The following FRAS1 variants were observed in gnomAD, a reference collection of about 807,000 sequenced individuals.
FRAS1 encodes Fraser extracellular matrix complex subunit 1, also known as extracellular matrix organizing protein FRAS1.
Under a neutral mutation model 435.2 loss-of-function variants are expected in FRAS1, and 290 were observed. The observed-to-expected ratio is 0.67, with a 90% CI of 0.61 to 0.73. FRAS1 has a LOEUF of 0.73. Ranked by LOEUF, FRAS1 falls within the 30% of genes least tolerant of loss-of-function variation. The probability of loss-of-function intolerance (pLI) is 0.00; values close to 1 mark genes in which losing one functional copy is unlikely to be tolerated. For synonymous variants in FRAS1, 1,800 were observed against 1,851.0 expected (o/e 0.97, Z 0.71); for missense variants, 4,860 against 5,001.5 (o/e 0.97, Z 0.85).
chr4:78,077,468 T>C (rs1385655014), intron 2 of FRAS1, among the ~76,000 whole-genome samples: 2 of 151,944 alleles, frequency 1.3e-5, no homozygotes, highest in Non-Finnish European at 2.9e-5. Flanking sequence ...ATTCACAGGG[T>C]GCAAATATAA....
chr4:78,397,426 G>A (rs1271308750), intron 29 of FRAS1, among the ~76,000 whole-genome samples: 1 of 152,180 alleles, frequency 6.6e-6, no homozygotes, highest in Non-Finnish European at 1.5e-5. Context: ...AGAGTCAGGG[G>A]ACTGTTGATG....
intron 2 of FRAS1, among the ~76,000 whole-genome samples, chr4:78,196,763 A>C (rs988086001): frequency 5.9e-5 from 9 of 152,344 alleles, no homozygotes; most frequent in Non-Finnish European, 1.2e-4. Context: ...ACGTATGTGA[A>C]GTATTTGGAA....
At chr4:78,441,022 T>C (rs1734636388) in intron 40 of FRAS1, 140 bp from the exon 41 acceptor site, 1 of 706,420 alleles carries the variant, frequency 1.4e-6, no homozygotes, top group African/African-American at 1.8e-5. Flanking sequence ...ATTCCTCATC[T>C]CGTCTGTAGA....
chr4:78,532,895 C>CTGGTT (rs903344126), intron 70 of FRAS1, among the ~76,000 whole-genome samples: 1 of 152,140 alleles, frequency 6.6e-6, no homozygotes, highest in African/African-American at 2.4e-5. Flanking sequence ...TTGATGGACA[C>CTGGTT]TGGTTGTTTA....
chr4:78,298,295 G>GTA (rs1491507555), intron 14 of FRAS1, among the ~76,000 whole-genome samples: 16 of 68,304 alleles, frequency 2.3e-4, no homozygotes, highest in Admixed American at 1.8e-3. Flanking sequence ...ATATTATAAG[G>GTA]TGTATATATA....
At chr4:78,380,620 T>G (rs1467375733) in intron 27 of FRAS1, among the ~76,000 whole-genome samples, 1 of 152,242 alleles carries the variant, frequency 6.6e-6, no homozygotes, top group African/African-American at 2.4e-5. Context: ...AGGGTAAATC[T>G]ACTCCACAGA....
Position 78,318,920 on chromosome 4 carries a change from C to A in FRAS1, c.2071C>A (p.Pro691Thr), listed in dbSNP as rs1364449575. 1 of 1,613,974 alleles carries A rather than the reference C, an allele frequency of 6.2e-7. No homozygotes were observed. The highest frequency in any genetic ancestry group is 8.5e-7 in the Non-Finnish European group (1 of 1,179,886). ...GGAGCAGCTGTCTGACGTGGGCATCCCCTCTGGCGAGTGTCTAGCCCAGTG... is the reference window on the plus strand; with the variant it reads ...GGAGCAGCTGTCTGACGTGGGCATCACCTCTGGCGAGTGTCTAGCCCAGTG... The part of the protein sequence containing the change: ...QVEQLSDVGI[P>T]SGECLAQCRA... Residue 691 changes from proline to threonine, a missense_variant, in exon 18 of 74, where the codon CCC (proline) becomes ACC (threonine). Transcript: ENST00000512123.
At chr4:78,251,433 G>C (rs55812431) in intron 4 of FRAS1, among the ~76,000 whole-genome samples, 1 of 152,316 alleles carries the variant, frequency 6.6e-6, no homozygotes, top group Non-Finnish European at 1.5e-5. Context: ...TGTACAACAC[G>C]GTTGGATATG....
chr4:78,201,863 A>G (rs574013576), intron 2 of FRAS1, among the ~76,000 whole-genome samples: 1 of 152,316 alleles, frequency 6.6e-6, no homozygotes, highest in South Asian at 2.1e-4. Context: ...AGAAGAAAAG[A>G]AAATAAATAT....
intron 41 of FRAS1, among the ~76,000 whole-genome samples, chr4:78,441,616 A>C (rs1011939027): frequency 1.4e-5 from 2 of 140,280 alleles, no homozygotes; most frequent in Non-Finnish European, 3.1e-5. Flanking sequence ...GTACGATGTT[A>C]GAAGGTGAAT....
intron 62 of FRAS1, 61 bp from the exon 63 acceptor site, chr4:78,508,670 G>T: frequency 6.4e-7 from 1 of 1,568,966 alleles, no homozygotes; most frequent in East Asian, 2.2e-5. Context: ...AAGAAAGGGG[G>T]CTTAGTTCTC....
intron 35 of FRAS1, among the ~76,000 whole-genome samples, chr4:78,426,704 C>T (rs1000772668): frequency 1.3e-5 from 2 of 152,146 alleles, no homozygotes; most frequent in African/African-American, 4.8e-5. Flanking sequence ...AAGTGGTGCT[C>T]ACAGGGGCAT....
chr4:78,314,485 A>G (rs1029305165), intron 15 of FRAS1, among the ~76,000 whole-genome samples: 22 of 152,192 alleles, frequency 1.4e-4, no homozygotes, highest in African/African-American at 5.1e-4. Flanking sequence ...TGGTCTTCCA[A>G]TGCGGTTTCC....
chr4:78,518,956 T>C (rs1380619333), intron 66 of FRAS1, among the ~76,000 whole-genome samples: 1 of 152,140 alleles, frequency 6.6e-6, no homozygotes, highest in African/African-American at 2.4e-5. Flanking sequence ...ACAGGGAGTT[T>C]GTACTGAGTG....
chr4:78,272,985 T>C (rs1211668589), intron 9 of FRAS1, among the ~76,000 whole-genome samples: 2 of 152,216 alleles, frequency 1.3e-5, no homozygotes, highest in East Asian at 3.8e-4. Context: ...CTCTTTTATT[T>C]CATCGATCAG....
At position 78,063,430 on chromosome 4, in the gene FRAS1, CT is replaced by C. The variant is rs570093705; in HGVS notation, c.77-2553del. Among the ~76,000 whole-genome samples the C allele has an allele frequency of 2.2e-3, 329 of 152,288 alleles. 2 individuals are homozygous for C. Among genetic ancestry groups the C allele is most frequent in the African/African-American group, 7.1e-3 (294 of 41,554 alleles). ...AATGGAGGCTCATTCATGCAGCTGC[CT>C]TCCAGGTAGAACTGTTCTGTTTTAG... On this transcript the variant is annotated intron_variant, in intron 1 of 73. Transcript: ENST00000512123.
chr4:78,249,064 C>CATATATATATGCATATATATATATATAT, intron 4 of FRAS1, among the ~76,000 whole-genome samples: 1 of 16,620 alleles, frequency 6.0e-5, no homozygotes, highest in African/African-American at 1.1e-4. Flanking sequence ...TATATATATG[C>CATATATATATGCATATATATATATATAT]ATATATATAT....
chr4:78,266,734 T>C (rs920283201), intron 7 of FRAS1, 100 bp from the exon 8 acceptor site: 13 of 830,726 alleles, frequency 1.6e-5, no homozygotes, highest in Non-Finnish European at 2.6e-5. Context: ...GTGGCTCATC[T>C]TACAAATGTA....
chr4:78,307,990 T>C, intron 14 of FRAS1, 76 bp from the exon 15 acceptor site: 1 of 1,437,652 alleles, frequency 7.0e-7, no homozygotes, highest in Non-Finnish European at 9.3e-7. Flanking sequence ...TTGTGTATTC[T>C]AAAATATTTA....
Sources: allele counts gnomAD v4.1 joint callset (sites outside exome capture counted in the v4.1 genomes callset), GRCh38; gene constraint gnomAD v4.1.1; transcripts MANE v1.5; gene names NCBI Gene and HGNC (gene_info 2026-07-23, HGNC 2026-07-21).